PCDHA11: variants seen among roughly 807,000 people sequenced by gnomAD.
PCDHA11 encodes the protein protocadherin alpha-11.
Under a neutral mutation model 70.3 loss-of-function variants are expected in PCDHA11, and 61 were observed. That is an observed-to-expected ratio of 0.87 (90% CI 0.71 to 1.07). PCDHA11 has a LOEUF of 1.07. Ranked by LOEUF, PCDHA11 falls within the 50% of genes least tolerant of loss-of-function variation. The pLI is 0.00. For synonymous variants in PCDHA11, 633 were observed against 555.1 expected (o/e 1.14, Z -1.97); for missense variants, 1,324 against 1,237.5 (o/e 1.07, Z -1.05).
intron 1 of PCDHA11, chr5:140,875,642 C>A: frequency 6.2e-7 from 1 of 1,613,606 alleles, no homozygotes; most frequent in Non-Finnish European, 8.5e-7. Flanking sequence ...CTGGAGCTGG[C>A]GGAGCTGGTG....
intron 1 of PCDHA11, among the ~76,000 whole-genome samples, chr5:140,922,964 GTGGCA>G (rs1293947003): frequency 6.6e-6 from 1 of 152,186 alleles, no homozygotes; most frequent in East Asian, 1.9e-4. Context: ...TCTTCAGCCA[GTGGCA>G]TATCTCAGAC....
chr5:140,952,113 G>T (rs2094688731), intron 1 of PCDHA11, among the ~76,000 whole-genome samples: 1 of 151,990 alleles, frequency 6.6e-6, no homozygotes. Flanking sequence ...TCGTGTGAGG[G>T]ATGGGCTCCC....
At chr5:140,982,878 C>T (rs2097013352) in intron 3 of PCDHA11, among the ~76,000 whole-genome samples, 1 of 151,992 alleles carries the variant, frequency 6.6e-6, no homozygotes, top group South Asian at 2.1e-4. Flanking sequence ...TCATCCAAGC[C>T]ATGCAGAGAA....
At chr5:140,987,880 T>A (rs2097271532) in intron 3 of PCDHA11, among the ~76,000 whole-genome samples, 1 of 152,112 alleles carries the variant, frequency 6.6e-6, no homozygotes, top group Non-Finnish European at 1.5e-5. Context: ...AAATGGACAG[T>A]TTATGTGCCC....
chr5:140,956,194 A>G (rs1370463281), intron 1 of PCDHA11, among the ~76,000 whole-genome samples: 1 of 152,060 alleles, frequency 6.6e-6, no homozygotes, highest in Non-Finnish European at 1.5e-5. Flanking sequence ...GCTGAATAGG[A>G]GTGGTGAAAG....
chr5:140,882,086 A>G (rs1416648023), intron 1 of PCDHA11: 4 of 1,056,010 alleles, frequency 3.8e-6, no homozygotes, highest in South Asian at 1.7e-5. Context: ...GTCGCTCTTC[A>G]CTGAGAACGT....
At chr5:140,938,002 G>A (rs1396127552) in intron 1 of PCDHA11, among the ~76,000 whole-genome samples, 1 of 151,938 alleles carries the variant, frequency 6.6e-6, no homozygotes, top group Non-Finnish European at 1.5e-5. Context: ...TGTATCCAAT[G>A]TTCTTGCTAA....
chr5:140,967,192 C>T (rs2096111456), intron 1 of PCDHA11: 1 of 1,613,408 alleles, frequency 6.2e-7, no homozygotes, highest in South Asian at 1.1e-5. Context: ...TGGACATCAA[C>T]GACAACTCAC....
intron 1 of PCDHA11, chr5:140,877,281 T>TA (rs782748230): frequency 8.7e-6 from 14 of 1,613,708 alleles, no homozygotes; most frequent in Non-Finnish European, 1.2e-5. Context: ...ACTCCGGCTA[T>TA]AACGCTTGGC....
At chr5:140,929,353 C>T in intron 1 of PCDHA11, 1 of 1,527,090 alleles carries the variant, frequency 6.5e-7, no homozygotes, top group Non-Finnish European at 8.8e-7. Context: ...AATTTGATTC[C>T]TTTGGCCCGG....
intron 1 of PCDHA11, among the ~76,000 whole-genome samples, chr5:140,950,864 A>G (rs1014752748): frequency 1.3e-5 from 2 of 151,930 alleles, no homozygotes; most frequent in Non-Finnish European, 2.9e-5. Context: ...ATTCTTGTAT[A>G]TTCTATATTG....
intron 1 of PCDHA11, 131 bp downstream of exon 1, chr5:140,871,625 ATGTC>A (rs1304722830): frequency 2.1e-6 from 3 of 1,403,018 alleles, no homozygotes; most frequent in Non-Finnish European, 2.8e-6. Context: ...TTAGATAACA[ATGTC>A]TGTTCATAAA....
intron 1 of PCDHA11, among the ~76,000 whole-genome samples, chr5:140,898,000 T>G (rs1420296585): frequency 6.6e-5 from 10 of 152,348 alleles, no homozygotes; most frequent in African/African-American, 2.4e-4. Flanking sequence ...TTGAGAAGTG[T>G]CTGTTCATAT....
At chr5:140,905,944 A>G (rs2072219566) in intron 1 of PCDHA11, among the ~76,000 whole-genome samples, 3 of 152,216 alleles carry the variant, frequency 2.0e-5, no homozygotes, top group Non-Finnish European at 4.4e-5. Flanking sequence ...AGAACTTGGA[A>G]TCCGATGTTC....
chr5:140,888,764 T>A (rs74654123), intron 1 of PCDHA11, among the ~76,000 whole-genome samples: 4 of 152,186 alleles, frequency 2.6e-5, no homozygotes, highest in East Asian at 3.9e-4. Context: ...CTTTTTTTTT[T>A]AATTTTGAAG....
At chr5:140,926,942 C>CT in intron 1 of PCDHA11, 1 of 1,585,854 alleles carries the variant, frequency 6.3e-7, no homozygotes, top group Non-Finnish European at 8.6e-7. Flanking sequence ...TCCTGCGGCG[C>CT]TGCAGCGGGA....
In PCDHA11 at chr5:140,870,868, G is replaced by T. The variant is rs550915753; in HGVS notation, c.1765G>T (p.Val589Leu). 2.5e-6 allele frequency: 4 copies of T among 1,613,944 alleles called. No homozygotes were observed. The South Asian group carries it at 3.3e-5, about 13-fold the overall frequency. ...ACCGCGGTCGGTGGGTGCGGGCCAC[G>T]TGGTGGCGAAGGTGCGCGCAGTGGA... Reference protein sequence around the residue: ...LVPRSVGAGHVVAKVRAVDAD... With the variant: ...LVPRSVGAGHLVAKVRAVDAD... Residue 589 changes from valine (V) to leucine (L), a missense_variant, in exon 1 of 4, where the codon GTG (valine) becomes TTG (leucine). Coordinates refer to ENST00000398640, the MANE Select transcript of PCDHA11 (RefSeq NM_018902.5).
At chr5:140,883,219 A>G (rs1416740017) in intron 1 of PCDHA11, 1 of 1,613,942 alleles carries the variant, frequency 6.2e-7, no homozygotes, top group Non-Finnish European at 8.5e-7. Flanking sequence ...AATTATATGA[A>G]ATATCCGTGG....
At chr5:140,968,278 G>A in intron 1 of PCDHA11, 1 of 1,614,014 alleles carries the variant, frequency 6.2e-7, no homozygotes, top group Non-Finnish European at 8.5e-7. Context: ...ATGCAGAGGT[G>A]ACCTACTCCC....
Sources: gnomAD v4.1 joint callset for allele counts (sites outside exome capture counted in the v4.1 genomes callset) on GRCh38, gnomAD v4.1.1 for gene constraint, MANE v1.5 for transcripts, NCBI Gene and HGNC (gene_info 2026-07-23, HGNC 2026-07-21) for gene names.